The following CDK14 variants were observed in gnomAD, a reference collection of about 807,000 sequenced individuals.
CDK14 encodes cyclin dependent kinase 14.
CDK14 carries 34 observed loss-of-function variants against 60.7 expected under a neutral mutation model. That is an observed-to-expected ratio of 0.56 (90% CI 0.43 to 0.75). The LOEUF (loss-of-function observed/expected upper bound fraction) is 0.75, where lower values mean the gene tolerates loss of function less well. Ranked by LOEUF, CDK14 falls within the 30% of genes least tolerant of loss-of-function variation. The probability of loss-of-function intolerance (pLI) is 0.00; values close to 1 mark genes in which losing one functional copy is unlikely to be tolerated. For synonymous variants in CDK14, 197 were observed against 203.7 expected (o/e 0.97, Z 0.28); for missense variants, 482 against 564.1 (o/e 0.85, Z 1.47).
chr7:90,601,597 A>G (rs1410587154), intron 1 of CDK14, among the ~76,000 whole-genome samples: 1 of 152,124 alleles, frequency 6.6e-6, no homozygotes, highest in Non-Finnish European at 1.5e-5. Flanking sequence ...TCCAGACCCC[A>G]CCTCTTTGTC....
intron 14 of CDK14, among the ~76,000 whole-genome samples, chr7:91,139,807 TTTCTTTC>T (rs1800396582): frequency 6.8e-6 from 1 of 146,138 alleles, no homozygotes; most frequent in African/African-American, 2.6e-5. Context: ...TCTTTCTTTC[TTTCTTTC>T]TTTTCTTTTC....
chr7:90,949,888 A>G (rs373015315), intron 8 of CDK14, among the ~76,000 whole-genome samples: 4 of 152,332 alleles, frequency 2.6e-5, no homozygotes, highest in South Asian at 2.1e-4. Flanking sequence ...CAAACAAACA[A>G]AAAACATAGA....
intron 10 of CDK14, among the ~76,000 whole-genome samples, chr7:91,029,593 CCT>C (rs1409486871): frequency 4.8e-5 from 7 of 146,724 alleles, no homozygotes; most frequent in South Asian, 4.4e-4. Context: ...CCTCTCCTCT[CCT>C]CTCCTCTCCT....
intron 7 of CDK14, among the ~76,000 whole-genome samples, chr7:90,908,452 T>A (rs965567644): frequency 6.6e-6 from 1 of 152,162 alleles, no homozygotes; most frequent in Non-Finnish European, 1.5e-5. Flanking sequence ...AATGATGAAA[T>A]GCAGACAATG....
At chr7:90,638,176 A>C (rs533998825) in intron 2 of CDK14, among the ~76,000 whole-genome samples, 1 of 152,172 alleles carries the variant, frequency 6.6e-6, no homozygotes, top group African/African-American at 2.4e-5. Context: ...TGCCATTATG[A>C]TGTTAGCTGG....
At chr7:90,644,791 G>A (rs1000550989) in intron 2 of CDK14, among the ~76,000 whole-genome samples, 4 of 152,206 alleles carry the variant, frequency 2.6e-5, no homozygotes, top group African/African-American at 9.6e-5. Context: ...GCCACCATAG[G>A]CCTATTCAAT....
chr7:90,907,452 A>G (rs560178382), intron 7 of CDK14, among the ~76,000 whole-genome samples: 2 of 152,204 alleles, frequency 1.3e-5, no homozygotes, highest in East Asian at 3.9e-4. Flanking sequence ...GATTCATGAA[A>G]AAAAGATTAA....
intron 5 of CDK14, among the ~76,000 whole-genome samples, chr7:90,843,329 G>A (rs1790362700): frequency 6.6e-6 from 1 of 152,058 alleles, no homozygotes; most frequent in South Asian, 2.1e-4. Flanking sequence ...TTTAAAAGTA[G>A]TGATTTATCT....
intron 4 of CDK14, among the ~76,000 whole-genome samples, chr7:90,780,213 A>T (rs915769488): frequency 6.6e-6 from 1 of 152,178 alleles, no homozygotes; most frequent in Non-Finnish European, 1.5e-5. Context: ...GCATCTATAG[A>T]GAAACTTCCT....
At chr7:91,007,789 GAAAA>G (rs143025433) in intron 10 of CDK14, among the ~76,000 whole-genome samples, 1 of 144,876 alleles carries the variant, frequency 6.9e-6, no homozygotes, top group South Asian at 2.2e-4. Context: ...CAGGAGGGAG[GAAAA>G]AAAAAACAAA....
chr7:90,682,678 T>A (rs1801340820), intron 2 of CDK14, among the ~76,000 whole-genome samples: 1 of 148,300 alleles, frequency 6.7e-6, no homozygotes, highest in Non-Finnish European at 1.5e-5. Flanking sequence ...CTTTTATGGC[T>A]TCTGTTCACC....
chr7:90,866,371 A>G (rs1444729852), intron 6 of CDK14, among the ~76,000 whole-genome samples: 6 of 152,152 alleles, frequency 3.9e-5, no homozygotes, highest in African/African-American at 1.2e-4. Flanking sequence ...ATTAACATCA[A>G]AGATATTTTC....
At chr7:90,930,997 TAAC>T (rs898074499) in intron 8 of CDK14, among the ~76,000 whole-genome samples, 2 of 152,208 alleles carry the variant, frequency 1.3e-5, no homozygotes, top group Non-Finnish European at 2.9e-5. Flanking sequence ...ATCTTTTAAA[TAAC>T]AACATGAAGA....
At chr7:91,048,309 ATCT>A (rs1440155885) in intron 11 of CDK14, among the ~76,000 whole-genome samples, 1 of 152,152 alleles carries the variant, frequency 6.6e-6, no homozygotes, top group African/African-American at 2.4e-5. Context: ...CATCTCATTG[ATCT>A]TCTCATGTCA....
chr7:90,953,072 AT>A (rs1456142417), intron 8 of CDK14, among the ~76,000 whole-genome samples: 2 of 149,532 alleles, frequency 1.3e-5, no homozygotes, highest in Non-Finnish European at 3.0e-5. Context: ...CATTGTTTTA[AT>A]GATTTTCTCC....
At chr7:90,984,307 T>C in intron 10 of CDK14, 66 bp downstream of exon 10, 1 of 953,370 alleles carries the variant, frequency 1.0e-6, no homozygotes, top group Non-Finnish European at 1.7e-6. Flanking sequence ...TGACAAATTC[T>C]ACAGCAGTCT....
At chr7:91,089,278 G>C (rs935447432) in intron 12 of CDK14, among the ~76,000 whole-genome samples, 1 of 151,952 alleles carries the variant, frequency 6.6e-6, no homozygotes, top group South Asian at 2.1e-4. Context: ...AATGACTGTC[G>C]ACATACTTTT....
chr7:91,175,870 A>T (rs986056962), intron 14 of CDK14, among the ~76,000 whole-genome samples: 2 of 146,434 alleles, frequency 1.4e-5, no homozygotes, highest in Non-Finnish European at 1.5e-5. Context: ...GGAGACTTTA[A>T]CACCCCACTG....
chr7:90,636,560 A>G (rs373102631), intron 2 of CDK14, among the ~76,000 whole-genome samples: 1 of 151,776 alleles, frequency 6.6e-6, no homozygotes, highest in Non-Finnish European at 1.5e-5. Context: ...GGATTTTTGC[A>G]TCAATGTTCA....
Sources: gnomAD v4.1 joint callset for allele counts (sites outside exome capture counted in the v4.1 genomes callset) on GRCh38, gnomAD v4.1.1 for gene constraint, MANE v1.5 for transcripts, NCBI Gene and HGNC (gene_info 2026-07-23, HGNC 2026-07-21) for gene names.